Variants in SLC24A2 observed in about 807,000 individuals in gnomAD.
SLC24A2 encodes sodium/potassium/calcium exchanger 2.
SLC24A2 carries 36 observed loss-of-function variants against 62.0 expected under a neutral mutation model. The observed-to-expected ratio is 0.58, with a 90% CI of 0.44 to 0.77. SLC24A2 has a LOEUF of 0.77. Ranked by LOEUF, SLC24A2 falls within the 30% of genes least tolerant of loss-of-function variation. SLC24A2 has a pLI of 0.00. For missense variants in SLC24A2, 846 were observed against 817.9 expected, an observed-to-expected ratio of 1.03 and a Z score of -0.42; for synonymous variants, 358 against 294.0, an observed-to-expected ratio of 1.22 and a Z score of -2.23.
chr9:20,083,913 C>T, the SLC24A2 span, among the ~76,000 whole-genome samples: 1 of 152,178 alleles, frequency 6.6e-6, no homozygotes, highest in Non-Finnish European at 1.5e-5. Context: ...AGTTCGATGT[C>T]GCTGTTACAC....
At chr9:19,932,611 C>T in the SLC24A2 span, among the ~76,000 whole-genome samples, 5 of 152,254 alleles carry the variant, frequency 3.3e-5, no homozygotes, top group Non-Finnish European at 7.4e-5. Context: ...AAGTTCACTT[C>T]GTGGGTATGT....
the SLC24A2 span, among the ~76,000 whole-genome samples, chr9:20,163,237 G>A: frequency 2.5e-4 from 38 of 152,168 alleles, no homozygotes; most frequent in African/African-American, 8.7e-4. Flanking sequence ...AAACCCCATC[G>A]TCTCAGTCCA....
chr9:20,199,014 T>C, the SLC24A2 span, among the ~76,000 whole-genome samples: 1 of 152,006 alleles, frequency 6.6e-6, no homozygotes, highest in African/African-American at 2.4e-5. Context: ...GCAGGAAAAA[T>C]AGAAAAGAAA....
chr9:19,978,591 A>AT, the SLC24A2 span, among the ~76,000 whole-genome samples: 104 of 150,240 alleles, frequency 6.9e-4, 2 homozygotes, highest in East Asian at 0.015. Context: ...AGAAAAGGGT[A>AT]TTTTTTTTTT....
the SLC24A2 span, among the ~76,000 whole-genome samples, chr9:20,301,335 TA>T: frequency 6.6e-6 from 1 of 152,082 alleles, no homozygotes; most frequent in Non-Finnish European, 1.5e-5. Context: ...TTTCTTATTA[TA>T]AAAATGGTAT....
At chr9:19,728,879 C>T (rs1337943525) in intron 2 of SLC24A2, among the ~76,000 whole-genome samples, 1 of 152,066 alleles carries the variant, frequency 6.6e-6, no homozygotes, top group Non-Finnish European at 1.5e-5. Flanking sequence ...AAAAGCCAAG[C>T]AGCACACCAA....
the SLC24A2 span, among the ~76,000 whole-genome samples, chr9:19,797,924 G>A: frequency 1.3e-5 from 2 of 152,234 alleles, no homozygotes; most frequent in South Asian, 4.1e-4. Context: ...CCCTTCTTGT[G>A]CCTCTGCTCT....
the SLC24A2 span, among the ~76,000 whole-genome samples, chr9:20,090,482 T>A: frequency 7.9e-5 from 12 of 152,168 alleles, no homozygotes; most frequent in Middle Eastern, 3.4e-3. Context: ...TGAAGAAATA[T>A]AGGGGTATAG....
chr9:19,642,198 G>A (rs1158567195), intron 2 of SLC24A2, among the ~76,000 whole-genome samples: 1 of 152,144 alleles, frequency 6.6e-6, no homozygotes, highest in Non-Finnish European at 1.5e-5. Context: ...ACTAGGAGAT[G>A]TCCCAGCTTT....
intron 2 of SLC24A2, among the ~76,000 whole-genome samples, chr9:19,702,193 A>G (rs1820375714): frequency 1.3e-5 from 2 of 152,226 alleles, no homozygotes; most frequent in Admixed American, 1.3e-4. Flanking sequence ...GATTTGAAGG[A>G]CAGTAAACCT....
the SLC24A2 span, among the ~76,000 whole-genome samples, chr9:19,892,095 C>T: frequency 3.9e-5 from 6 of 152,114 alleles, no homozygotes. Context: ...TCTTTTTGTC[C>T]CTCCCTTATG....
intron 8 of SLC24A2, among the ~76,000 whole-genome samples, chr9:19,547,409 G>A (rs1357196912): frequency 3.9e-5 from 6 of 152,116 alleles, no homozygotes; most frequent in Admixed American, 2.0e-4. Flanking sequence ...TCCGGATTGT[G>A]GCATCAGCCA....
At chr9:20,168,031 G>C in the SLC24A2 span, among the ~76,000 whole-genome samples, 1 of 151,924 alleles carries the variant, frequency 6.6e-6, no homozygotes, top group Non-Finnish European at 1.5e-5. Flanking sequence ...AACCACTGAA[G>C]TCCCATAGGG....
intron 2 of SLC24A2, among the ~76,000 whole-genome samples, chr9:19,740,519 G>A (rs987635763): frequency 3.3e-5 from 5 of 152,144 alleles, no homozygotes; most frequent in African/African-American, 1.2e-4. Context: ...GTTCACAATA[G>A]GTGACAGTGG....
rs1834987584 is a variant in SLC24A2 at position 19,554,496 on chromosome 9, G to T, written c.1348-4228C>A. Among the ~76,000 whole-genome samples the T allele has an allele frequency of 2.6e-5, 4 of 152,190 alleles. No individual in the cohort carries two copies. In the South Asian group the frequency reaches 8.3e-4, roughly 31 times the overall value. ...GGTAACCTTGGGGATCTTGGAACCA[G>T]TCCCCCACGGATAGCAAGGGATGAC... On this transcript the variant is annotated intron_variant, in intron 7 of 10. Transcript: ENST00000341998.
chr9:20,278,695 C>T, the SLC24A2 span, among the ~76,000 whole-genome samples: 6 of 152,300 alleles, frequency 3.9e-5, no homozygotes, highest in East Asian at 1.2e-3. Flanking sequence ...TCTTCGGAGC[C>T]CTCCAAGTCT....
chr9:19,534,921 G>C (rs1045567156), intron 8 of SLC24A2, among the ~76,000 whole-genome samples: 5 of 152,124 alleles, frequency 3.3e-5, no homozygotes, highest in Non-Finnish European at 5.9e-5. Flanking sequence ...CTAGATCCTT[G>C]AGGAATTGCC....
chr9:19,682,772 C>T (rs1481741235), intron 2 of SLC24A2, among the ~76,000 whole-genome samples: 1 of 152,068 alleles, frequency 6.6e-6, no homozygotes, highest in Non-Finnish European at 1.5e-5. Context: ...ATACATTCAT[C>T]ATGAAAACTA....
At chr9:19,912,172 A>G in the SLC24A2 span, among the ~76,000 whole-genome samples, 1 of 152,028 alleles carries the variant, frequency 6.6e-6, no homozygotes, top group Non-Finnish European at 1.5e-5. Context: ...TTCTGCTGAG[A>G]CACATGCTTC....
Sources: allele counts gnomAD v4.1 joint callset (sites outside exome capture counted in the v4.1 genomes callset), GRCh38; gene constraint gnomAD v4.1.1; transcripts MANE v1.5; gene names NCBI Gene and HGNC (gene_info 2026-07-23, HGNC 2026-07-21).